Variants in ROBO1 observed in about 807,000 individuals in gnomAD.
The protein encoded by ROBO1 is roundabout homolog 1.
ROBO1 carries 149 observed loss-of-function variants against 195.9 expected under a neutral mutation model. The observed-to-expected ratio is 0.76, with a 90% CI of 0.67 to 0.87. The LOEUF is 0.87. ROBO1 is among the 40% of genes least tolerant of loss of function. ROBO1 has a pLI of 0.00. For missense variants in ROBO1, 1,933 were observed against 2,068.3 expected (o/e 0.93, Z 1.27); for synonymous variants, 816 against 733.2 (o/e 1.11, Z -1.82).
At chr3:78,962,524 T>A (rs1167797070) in intron 3 of ROBO1, among the ~76,000 whole-genome samples, 1 of 151,972 alleles carries the variant, frequency 6.6e-6, no homozygotes, top group Admixed American at 6.6e-5. Context: ...CTCCGCCTTG[T>A]CATTTTAAAA....
chr3:79,439,394 C>G (rs117159116), intron 2 of ROBO1, among the ~76,000 whole-genome samples: 1 of 152,038 alleles, frequency 6.6e-6, no homozygotes, highest in South Asian at 2.1e-4. Context: ...TACATTTCCC[C>G]AACCATCTCA....
At chr3:79,041,361 T>C (rs1021587234) in intron 3 of ROBO1, among the ~76,000 whole-genome samples, 23 of 152,206 alleles carry the variant, frequency 1.5e-4, no homozygotes, top group Admixed American at 1.4e-3. Flanking sequence ...TGGAGATTTC[T>C]CTTCCACTTC....
At chr3:79,223,410 T>C (rs2108832572) in intron 2 of ROBO1, among the ~76,000 whole-genome samples, 1 of 152,210 alleles carries the variant, frequency 6.6e-6, no homozygotes, top group East Asian at 1.9e-4. Context: ...ATTATTCGAG[T>C]AAAAGCTAGA....
At chr3:79,459,886 A>C (rs1433161936) in intron 2 of ROBO1, among the ~76,000 whole-genome samples, 1 of 152,116 alleles carries the variant, frequency 6.6e-6, no homozygotes, top group African/African-American at 2.4e-5. Flanking sequence ...TTTTTTTGCC[A>C]TTACAAATGG....
At chr3:79,421,921 G>A (rs747106001) in intron 2 of ROBO1, among the ~76,000 whole-genome samples, 3 of 151,706 alleles carry the variant, frequency 2.0e-5, no homozygotes, top group Non-Finnish European at 4.4e-5. Context: ...ATGAAACTAG[G>A]ATTCAGGGCC....
intron 2 of ROBO1, among the ~76,000 whole-genome samples, chr3:79,155,535 G>A (rs1052477633): frequency 7.3e-5 from 11 of 151,558 alleles, no homozygotes; most frequent in Non-Finnish European, 1.6e-4. Context: ...CTGATAGTTT[G>A]TCTTTCCCCA....
chr3:79,457,098 T>C (rs923890108), intron 2 of ROBO1, among the ~76,000 whole-genome samples: 16 of 152,206 alleles, frequency 1.1e-4, no homozygotes, highest in Admixed American at 7.2e-4. Context: ...AAACGAATGA[T>C]GAATTTTACT....
At chr3:79,744,538 G>A (rs1172020714) in intron 1 of ROBO1, among the ~76,000 whole-genome samples, 2 of 152,100 alleles carry the variant, frequency 1.3e-5, no homozygotes, top group Admixed American at 1.3e-4. Flanking sequence ...CAGAGATCTA[G>A]CTCTCTTTCT....
At chr3:79,409,829 A>G (rs2037694375) in intron 2 of ROBO1, among the ~76,000 whole-genome samples, 1 of 152,188 alleles carries the variant, frequency 6.6e-6, no homozygotes, top group South Asian at 2.1e-4. Flanking sequence ...TCATTTAAAA[A>G]CATAAAATTG....
chr3:79,435,008 A>T (rs1306813379), intron 2 of ROBO1, among the ~76,000 whole-genome samples: 1 of 152,144 alleles, frequency 6.6e-6, no homozygotes, highest in Non-Finnish European at 1.5e-5. Flanking sequence ...GTGGGAATTG[A>T]ACAATGAGAA....
intron 10 of ROBO1, among the ~76,000 whole-genome samples, chr3:78,677,809 C>T (rs1708531903): frequency 6.6e-6 from 1 of 152,136 alleles, no homozygotes; most frequent in South Asian, 2.1e-4. Context: ...GAACTCAGCT[C>T]TGCACCAAGC....
At chr3:79,493,847 A>C (rs1042330063) in intron 2 of ROBO1, among the ~76,000 whole-genome samples, 4 of 152,164 alleles carry the variant, frequency 2.6e-5, no homozygotes, top group Admixed American at 2.0e-4. Flanking sequence ...TTTTGTTAGA[A>C]ACATTCCAGT....
At chr3:79,015,537 T>A (rs2077908589) in intron 3 of ROBO1, among the ~76,000 whole-genome samples, 1 of 152,070 alleles carries the variant, frequency 6.6e-6, no homozygotes, top group South Asian at 2.1e-4. Context: ...AAGGAAAAGA[T>A]GTTTAGAATC....
chr3:78,678,194 T>C (rs1175154133), intron 10 of ROBO1, among the ~76,000 whole-genome samples: 2 of 151,682 alleles, frequency 1.3e-5, no homozygotes, highest in East Asian at 1.9e-4. Context: ...GGGAAATTTA[T>C]AGCACTAAAT....
At chr3:79,211,124 CAT>C (rs1159121606) in intron 2 of ROBO1, among the ~76,000 whole-genome samples, 1 of 151,968 alleles carries the variant, frequency 6.6e-6, no homozygotes, top group East Asian at 1.9e-4. Context: ...TAATACTAAA[CAT>C]AATAATTAAA....
intron 3 of ROBO1, among the ~76,000 whole-genome samples, chr3:78,980,766 T>C (rs1308924438): frequency 6.6e-6 from 1 of 152,068 alleles, no homozygotes; most frequent in African/African-American, 2.4e-5. Flanking sequence ...TCTATAAACC[T>C]CCTCAAAACA....
intron 2 of ROBO1, among the ~76,000 whole-genome samples, chr3:79,390,681 A>T (rs2036914280): frequency 6.6e-6 from 1 of 152,132 alleles, no homozygotes; most frequent in Non-Finnish European, 1.5e-5. Context: ...ATGGGTGCAT[A>T]CACACCTAGG....
At chr3:78,886,947 A>C (rs2036604885) in intron 4 of ROBO1, among the ~76,000 whole-genome samples, 3 of 152,120 alleles carry the variant, frequency 2.0e-5, no homozygotes, top group Admixed American at 1.3e-4. Context: ...TAGTTACATA[A>C]ATGTGCCTAA....
intron 16 of ROBO1, 67 bp from the exon 17 acceptor site, chr3:78,659,874 T>C: frequency 1.5e-6 from 2 of 1,325,354 alleles, no homozygotes. Context: ...AGGTAATTAA[T>C]ATCAAACCCA....
Sources: gnomAD v4.1 joint callset for allele counts (sites outside exome capture counted in the v4.1 genomes callset) on GRCh38, gnomAD v4.1.1 for gene constraint, MANE v1.5 for transcripts, NCBI Gene and HGNC (gene_info 2026-07-23, HGNC 2026-07-21) for gene names.